Variants in GTF3C1 observed in about 807,000 individuals in gnomAD.
GTF3C1 encodes general transcription factor IIIC subunit 1.
A neutral mutation model predicts 226.7 loss-of-function variants in GTF3C1; 57 were observed. The observed-to-expected ratio is 0.25, with a 90% CI of 0.20 to 0.31. The LOEUF is 0.31. Among genes scored for constraint, GTF3C1 ranks in the 10% least tolerant of loss-of-function variants. GTF3C1 has a pLI of 1.00. For synonymous variants in GTF3C1, 1,090 were observed against 1,084.8 expected (o/e 1.00, Z -0.09); for missense variants, 2,217 against 2,776.1 (o/e 0.80, Z 4.53).
At chr16:27,510,269 C>T (rs2088553699) in intron 7 of GTF3C1, among the ~76,000 whole-genome samples, 1 of 152,012 alleles carries the variant, frequency 6.6e-6, no homozygotes, top group Non-Finnish European at 1.5e-5. Flanking sequence ...GCCTGTAGTC[C>T]CAAGTACTCG....
rs559739965 is a variant in GTF3C1, at chr16:27,461,273, C to G, written c.*77G>C. 3.8e-5 allele frequency: 35 copies of G among 922,768 alleles called. No homozygotes were observed. The African/African-American group carries it at 5.4e-4, about 14-fold the overall frequency. 57.2% of individuals were successfully genotyped at this position (922,768 alleles called of 1,614,324 possible). ...GCTCGGCAGACCCAAGGCCAGGGCA[C>G]AGTGGGGTCTGCCGAGCACCAGGCA... On this transcript the variant is annotated 3_prime_UTR_variant, in exon 37 of 37. Coordinates refer to ENST00000356183, the MANE Select transcript of GTF3C1 (RefSeq NM_001520.4). This position sits in a 1 kb window ranked among gnomAD's most constrained non-coding sequence, Gnocchi z 5.3.
rs769656393 is a variant in GTF3C1, at chr16:27,470,403, C to A, written c.4527-8G>T. On this transcript the variant is annotated splice_region_variant and splice_polypyrimidine_tract_variant and intron_variant, in intron 30 of 36. Transcript: ENST00000356183. This position sits in a 1 kb window ranked among gnomAD's most constrained non-coding sequence, Gnocchi z 4.9. ...AATCGCCACGTAAAAATCCTACAGA[C>A]AAAAAGAAAGGAAGGGCCTGACTGA... 26 of 1,609,562 alleles carry A rather than the reference C, an allele frequency of 1.6e-5. No homozygotes were observed. Among genetic ancestry groups the A allele is most frequent in the Non-Finnish European group, 1.9e-5 (22 of 1,177,910 alleles).
Position 27,495,009 on chromosome 16 carries a change from C to T in GTF3C1, c.2633-101G>A, listed in dbSNP as rs1172884506. The T allele has an allele frequency of 2.8e-6, 3 of 1,064,838 alleles. No individual in the cohort carries two copies. The African/African-American group carries it at 4.7e-5, about 17-fold the overall frequency. 66.0% of individuals were successfully genotyped at this position (1,064,838 alleles called of 1,614,324 possible). ...CCAGGAGGTCTTGGTGTCTTTACCC[C>T]TAATTTGAGGAAAACTCTACTTGTC... On this transcript the variant is annotated intron_variant, in intron 15 of 36. Coordinates refer to ENST00000356183, the MANE Select transcript of GTF3C1 (RefSeq NM_001520.4).
At chr16:27,490,185 TGCACTGCAC>T (rs1281228495) in intron 19 of GTF3C1, among the ~76,000 whole-genome samples, 1 of 152,164 alleles carries the variant, frequency 6.6e-6, no homozygotes, top group African/African-American at 2.4e-5. Flanking sequence ...ATTGCTGAGA[TGCACTGCAC>T]GCAGCAGGCC....
Position 27,464,401 on chromosome 16 carries a change from C to T in GTF3C1, c.5791G>A (p.Gly1931Ser). The change falls in exon 34 of 37, where the codon GGT becomes AGT. Residue 1931 changes from glycine to serine, a missense_variant. Gly to Ser is a moderately conservative substitution (Grantham distance 56, BLOSUM62 0). This residue lies in a region of GTF3C1 where 455 missense variants were observed against 441.9 expected (regional missense o/e 1.03). Transcript: ENST00000356183. ...AAGAAQEDQE[G>S]VGEFSSPGQE... is the part of the protein sequence containing the mutation. ...CCTGGGGAACTGAACTCACCGACACCCTCTTGGTCTTCCTGTGCTGCTCCC... is the reference window on the plus strand; with the variant it reads ...CCTGGGGAACTGAACTCACCGACACTCTCTTGGTCTTCCTGTGCTGCTCCC... 6.2e-7 allele frequency: 1 copy of T among 1,601,166 alleles called. No individual in the cohort carries two copies. The highest frequency in any genetic ancestry group is 1.1e-5 in the South Asian group (1 of 89,032).
intron 23 of GTF3C1, 127 bp from the exon 24 acceptor site, chr16:27,486,281 A>G (rs942133195): frequency 3.5e-6 from 2 of 571,614 alleles, no homozygotes; most frequent in Non-Finnish European, 6.3e-6. Flanking sequence ...GCAGATACTC[A>G]TTGTATCTAA....
Position 27,492,144 on chromosome 16 carries a change from C to T in GTF3C1, c.3151+194G>A, listed in dbSNP as rs1458061002. 6.6e-6 allele frequency among the ~76,000 whole-genome samples: 1 copy of T among 152,146 alleles called. No homozygotes were observed. The highest frequency in any genetic ancestry group is 2.4e-5 in the African/African-American group (1 of 41,422). ...CTTGGGCTCAACTGAGTGGGGGAACCGGAAGCACCCCACCCATTCAAGGCC... is the reference window on the plus strand; with the variant it reads ...CTTGGGCTCAACTGAGTGGGGGAACTGGAAGCACCCCACCCATTCAAGGCC... On this transcript the variant is annotated intron_variant, in intron 19 of 36. Coordinates refer to ENST00000356183, the MANE Select transcript of GTF3C1 (RefSeq NM_001520.4). The surrounding 1 kb of genome is among the most constrained non-coding windows in gnomAD (Gnocchi z 5.0).
chr16:27,522,264 T>C (rs1397209496), intron 6 of GTF3C1, among the ~76,000 whole-genome samples: 1 of 152,222 alleles, frequency 6.6e-6, no homozygotes, highest in African/African-American at 2.4e-5. Flanking sequence ...CCTGTCTCCC[T>C]GCACCCCTCC....
intron 29 of GTF3C1, among the ~76,000 whole-genome samples, chr16:27,473,567 CCT>C (rs910123750): frequency 1.1e-4 from 16 of 152,248 alleles, no homozygotes; most frequent in African/African-American, 3.9e-4. Context: ...TTTAAGTGAT[CCT>C]CTGAGGTCAC....
chr16:27,485,166 G>A (rs550004834), intron 24 of GTF3C1, among the ~76,000 whole-genome samples: 86 of 152,392 alleles, frequency 5.6e-4, no homozygotes, highest in African/African-American at 2.0e-3. Flanking sequence ...AAGCGGTCAA[G>A]ACAAGGGATC....
In GTF3C1 at chr16:27,507,006, ACTC is replaced by A; in HGVS notation, c.1390_1392del (p.Glu464del). The A allele has an allele frequency of 6.2e-7, 1 of 1,603,070 alleles. No homozygotes were observed. The highest frequency in any genetic ancestry group is 8.5e-7 in the Non-Finnish European group (1 of 1,176,898). On this transcript the variant is annotated inframe_deletion, in exon 9 of 37. Coordinates refer to ENST00000356183, the MANE Select transcript of GTF3C1 (RefSeq NM_001520.4). This position sits in a 1 kb window ranked among gnomAD's most constrained non-coding sequence, Gnocchi z 4.9. The stretch of plus-strand genomic sequence containing the variant: ...GTGTCCTCGCCTTCAGGCAGAAGCG[ACTC>A]CTCCTGCATAGACGCCAGGCTCACG...
chr16:27,506,770 T>A, intron 9 of GTF3C1, 77 bp downstream of exon 9: 1 of 1,082,088 alleles, frequency 9.2e-7, no homozygotes. Flanking sequence ...AGGTGTTTGC[T>A]GAACTGAAGG....
At chr16:27,539,054 CA>C (rs2089044484) in intron 2 of GTF3C1, among the ~76,000 whole-genome samples, 1 of 123,238 alleles carries the variant, frequency 8.1e-6, no homozygotes, top group African/African-American at 3.1e-5. Flanking sequence ...TTCCCTCATT[CA>C]AATATAAGAG....
intron 26 of GTF3C1, among the ~76,000 whole-genome samples, chr16:27,481,427 CAACT>C (rs1366458300): frequency 6.6e-6 from 1 of 152,034 alleles, no homozygotes; most frequent in African/African-American, 2.4e-5. Flanking sequence ...TACCTGGTGC[CAACT>C]AACCCACCGA....
Position 27,464,824 on chromosome 16 carries a change from G to A in GTF3C1, c.5368C>T (p.Gln1790Ter). 6 of 1,511,716 alleles carry A rather than the reference G, an allele frequency of 4.0e-6. No homozygotes were observed. The highest frequency in any genetic ancestry group is 5.3e-6 in the Non-Finnish European group (6 of 1,139,432). 93.6% of individuals were successfully genotyped at this position (1,511,716 alleles called of 1,614,324 possible). The change falls in exon 34 of 37, where the codon CAG (glutamine) becomes TAG (stop). Residue 1790 changes from glutamine (Q) to a stop codon, truncating the protein, a stop_gained. Transcript: ENST00000356183. LOFTEE classifies it high-confidence loss of function. ...CCACCGACCTCCAGCACCTGATGCT[G>A]CTCCAGGAGGGCCTGGGGAGGCAGG... ...FADCIQALLE[Q>*]HQVLEVGGNT...
rs367692113 is a variant in GTF3C1, at chr16:27,509,741, G to A, written c.1127-1086C>T. ...CCACTGCACTCCAGCCTGGGCGACA[G>A]AGTGAGACTCCGTCTCAAAAAAAAA... On this transcript the variant is annotated intron_variant, in intron 7 of 36. Coordinates refer to ENST00000356183, the MANE Select transcript of GTF3C1 (RefSeq NM_001520.4). Among the ~76,000 whole-genome samples the A allele has an allele frequency of 9.8e-5, 13 of 132,240 alleles. No homozygotes were observed. The East Asian group carries it at 2.2e-3, about 23-fold the overall frequency. The allele number at this position is 132,240 out of a possible 152,430, so 86.8% of individuals were successfully genotyped here. A position where few individuals can be genotyped will look rare whatever the true frequency, so the allele number is the denominator to read the frequency against.
At chr16:27,475,184 T>C (rs2087933554) in intron 29 of GTF3C1, among the ~76,000 whole-genome samples, 4 of 152,090 alleles carry the variant, frequency 2.6e-5, no homozygotes, top group Admixed American at 2.0e-4. Context: ...CCCTTCGGGA[T>C]TGGGGAGGGG....
At chr16:27,482,278 G>A (rs764811527) in intron 26 of GTF3C1, among the ~76,000 whole-genome samples, 2 of 152,194 alleles carry the variant, frequency 1.3e-5, no homozygotes, top group Non-Finnish European at 2.9e-5. Flanking sequence ...GAACCTGGGA[G>A]CCTGATGACA....
At chr16:27,486,617 A>G (rs2088143867) in intron 23 of GTF3C1, among the ~76,000 whole-genome samples, 1 of 152,136 alleles carries the variant, frequency 6.6e-6, no homozygotes, top group African/African-American at 2.4e-5. Context: ...TCTGGGGACA[A>G]TAAGGCCTCT....
Sources: allele counts gnomAD v4.1 joint callset (sites outside exome capture counted in the v4.1 genomes callset), GRCh38; gene constraint gnomAD v4.1.1; regional missense constraint gnomAD v4.1.1; non-coding constraint Gnocchi (gnomAD v3.1); transcripts MANE v1.5; gene names NCBI Gene and HGNC (gene_info 2026-07-23, HGNC 2026-07-21).